The following CFAP20DC variants were observed in gnomAD, a reference collection of about 807,000 sequenced individuals.
The protein encoded by CFAP20DC is CFAP20 domain containing.
Under a neutral mutation model 101.7 loss-of-function variants are expected in CFAP20DC, and 84 were observed. That is an observed-to-expected ratio of 0.83 (90% CI 0.69 to 0.99). CFAP20DC has a LOEUF of 0.99. Among genes scored for constraint, CFAP20DC ranks in the 50% least tolerant of loss-of-function variants. The pLI is 0.00. For synonymous variants in CFAP20DC, 359 were observed against 351.2 expected (o/e 1.02, Z -0.25); for missense variants, 1,007 against 970.3 (o/e 1.04, Z -0.50).
intron 6 of CFAP20DC, among the ~76,000 whole-genome samples, chr3:58,890,130 C>T (rs1435563608): frequency 2.9e-4 from 43 of 150,582 alleles, no homozygotes; most frequent in African/African-American, 9.8e-4. Flanking sequence ...TAGGGGCGGC[C>T]GGGCAGAGGC....
At chr3:58,985,248 T>C (rs2092711983) in intron 4 of CFAP20DC, among the ~76,000 whole-genome samples, 1 of 152,158 alleles carries the variant, frequency 6.6e-6, no homozygotes, top group Non-Finnish European at 1.5e-5. Context: ...CATTTATTAA[T>C]ATTCTTCCTA....
At position 58,719,521 on chromosome 3, in the gene CFAP20DC, G is replaced by A. The variant is rs182357771; in HGVS notation, c.198-1893C>T. 4.5e-3 allele frequency among the ~76,000 whole-genome samples: 678 copies of A among 152,324 alleles called. 5 individuals carry two copies. The highest frequency in any genetic ancestry group is 6.5e-3 in the Non-Finnish European group (443 of 68,026). On this transcript the variant is annotated intron_variant, in intron 3 of 3. Transcript: ENST00000486145. ...TTACTTTGCAGGCATGGAAGATCCT[G>A]TGTTCTACCCAGATTTTTCAGCTAC... is the stretch of plus-strand genomic sequence containing the variant.
chr3:58,720,596 ATTG>A (rs2067458167), intron 3 of CFAP20DC, among the ~76,000 whole-genome samples: 1 of 152,188 alleles, frequency 6.6e-6, no homozygotes, highest in South Asian at 2.1e-4. Flanking sequence ...GTCGCACATT[ATTG>A]TTATTTCAAA....
chr3:58,887,685 T>G (rs1162346612), intron 6 of CFAP20DC, among the ~76,000 whole-genome samples: 1 of 152,200 alleles, frequency 6.6e-6, no homozygotes, highest in Non-Finnish European at 1.5e-5. Context: ...GATTTCACAT[T>G]AAAAGGCTCA....
At chr3:58,905,349 GT>G (rs2083493413) in intron 6 of CFAP20DC, among the ~76,000 whole-genome samples, 1 of 151,808 alleles carries the variant, frequency 6.6e-6, no homozygotes, top group African/African-American at 2.4e-5. Flanking sequence ...ATGCATTCTG[GT>G]TTTTATCTTA....
chr3:58,844,418 C>A (rs2077430185), intron 13 of CFAP20DC, among the ~76,000 whole-genome samples: 1 of 137,038 alleles, frequency 7.3e-6, no homozygotes, highest in South Asian at 2.3e-4. Flanking sequence ...ACAAAGAAGG[C>A]CATTACATAA....
chr3:58,914,356 C>T lies in CFAP20DC; in HGVS notation c.394-492G>A, dbSNP rs540492900. ...ACTTATAACCAATTAACCTATTGTA[C>T]GGAAACAGATTCTTCTAAAGAATTT... On this transcript the variant is annotated intron_variant, in intron 5 of 16. Coordinates refer to ENST00000482387, the MANE Select transcript of CFAP20DC (RefSeq NM_001394063.1). The surrounding 1 kb of genome is among the most constrained non-coding windows in gnomAD (Gnocchi z 4.9). Among the ~76,000 whole-genome samples, 8 of 152,166 alleles carry T rather than the reference C, an allele frequency of 5.3e-5. No homozygotes were observed. The highest frequency in any genetic ancestry group is 1.4e-4 in the African/African-American group (6 of 41,522).
At position 58,938,653 on chromosome 3, in the gene CFAP20DC, T is replaced by G. The variant is rs151236560; in HGVS notation, c.279-891A>C. Among the ~76,000 whole-genome samples, 268 of 152,312 alleles carry G rather than the reference T, an allele frequency of 1.8e-3. 3 individuals carry two copies. Among genetic ancestry groups the G allele is most frequent in the African/African-American group, 6.0e-3 (250 of 41,584 alleles). On this transcript the variant is annotated intron_variant, in intron 4 of 16. Transcript: ENST00000482387. ...AACGCATCATTGTCAATATTTATAG[T>G]GTAATTAACTGTTTTTAAAATTGGC...
At chr3:58,806,921 G>A (rs190253553) in intron 14 of CFAP20DC, among the ~76,000 whole-genome samples, 208 of 152,226 alleles carry the variant, frequency 1.4e-3, no homozygotes, top group African/African-American at 2.0e-3. Flanking sequence ...ATTATATCCC[G>A]CACATGGCTT....
chr3:58,742,697 G>A, intron 16 of CFAP20DC, 125 bp from the exon 17 acceptor site: 2 of 543,692 alleles, frequency 3.7e-6, no homozygotes, highest in South Asian at 3.1e-5. Flanking sequence ...AGAAGGTTTA[G>A]GCCTGAAGGA....
intron 7 of CFAP20DC, among the ~76,000 whole-genome samples, chr3:58,880,019 C>T (rs2081106546): frequency 6.6e-6 from 1 of 151,390 alleles, no homozygotes; most frequent in African/African-American, 2.4e-5. Flanking sequence ...AATTTTATAG[C>T]AAGTCTTAGA....
intron 12 of CFAP20DC, among the ~76,000 whole-genome samples, chr3:58,856,279 C>CACACACACAT (rs1472270115): frequency 2.1e-5 from 3 of 144,524 alleles, no homozygotes; most frequent in Admixed American, 2.0e-4. Flanking sequence ...CACACACACA[C>CACACACACAT]ACACACACAC....
At chr3:58,828,873 G>C (rs943756280) in intron 14 of CFAP20DC, among the ~76,000 whole-genome samples, 2 of 152,112 alleles carry the variant, frequency 1.3e-5, no homozygotes, top group Admixed American at 6.5e-5. Flanking sequence ...AAAGTGCCAA[G>C]GCTGTGGTAT....
Position 58,790,228 on chromosome 3 carries a change from C to CA in CFAP20DC, c.2237+16166dup, listed in dbSNP as rs1164532324. ...AGTGAGCCTGGTGACTTCTAATACC[C>CA]ATGGCTCAGTTTGTCTGTTTTTGAA... On this transcript the variant is annotated intron_variant, in intron 15 of 16. Transcript: ENST00000482387. 2.0e-5 allele frequency among the ~76,000 whole-genome samples: 3 copies of CA among 152,310 alleles called. No individual in the cohort carries two copies. The East Asian group carries it at 5.8e-4, about 29-fold the overall frequency.
rs1419486049 is a variant in CFAP20DC, at chr3:58,815,453, G to A, written c.2176-8997C>T. On this transcript the variant is annotated intron_variant, in intron 14 of 16. Transcript: ENST00000482387. ...CATTCAGGACATAGGCATGGGCAAG[G>A]ACTTCATGTCTAAAACACCAAAAGC... 9.9e-3 allele frequency among the ~76,000 whole-genome samples: 1,466 copies of A among 148,510 alleles called. 41 individuals carry two copies. Among genetic ancestry groups the A allele is most frequent in the African/African-American group, 0.035 (1,404 of 40,184 alleles).
At position 58,913,631 on chromosome 3, in the gene CFAP20DC, C is replaced by T. The variant is rs1559812151; in HGVS notation, c.550+77G>A. 2 of 1,430,686 alleles carry T rather than the reference C, an allele frequency of 1.4e-6. No homozygotes were observed. Among genetic ancestry groups the T allele is most frequent in the South Asian group, 2.3e-5 (2 of 87,350 alleles). 88.6% of individuals were successfully genotyped at this position (1,430,686 alleles called of 1,614,324 possible). On this transcript the variant is annotated intron_variant, in intron 6 of 16. Transcript: ENST00000482387. This position sits in a 1 kb window ranked among gnomAD's most constrained non-coding sequence, Gnocchi z 4.4. ...TAACATCAAACTGCTACCACACACTCATACTATCCCAAAGGTATGGCTAAT... is the reference window on the plus strand; with the variant it reads ...TAACATCAAACTGCTACCACACACTTATACTATCCCAAAGGTATGGCTAAT...
At position 58,958,019 on chromosome 3, in the gene CFAP20DC, A is replaced by G. The variant is rs147394483; in HGVS notation, c.279-20257T>C. ...ATAATTAGATTATTTGTAAAACAAA[A>G]GATAATGCTTGAGAGGATAAATAAC... On this transcript the variant is annotated intron_variant, in intron 4 of 16. Coordinates refer to ENST00000482387, the MANE Select transcript of CFAP20DC (RefSeq NM_001394063.1). 2.7e-3 allele frequency among the ~76,000 whole-genome samples: 409 copies of G among 152,338 alleles called. 1 individual carries two copies. The highest frequency in any genetic ancestry group is 9.3e-3 in the African/African-American group (385 of 41,588).
intron 4 of CFAP20DC, among the ~76,000 whole-genome samples, chr3:58,972,828 T>C (rs907349488): frequency 6.6e-6 from 1 of 152,184 alleles, no homozygotes; most frequent in Non-Finnish European, 1.5e-5. Flanking sequence ...TAAGGCAGTA[T>C]TCCTAGAAGG....
At chr3:58,807,681 C>T (rs560100708) in intron 14 of CFAP20DC, among the ~76,000 whole-genome samples, 3 of 152,360 alleles carry the variant, frequency 2.0e-5, no homozygotes, top group Admixed American at 2.0e-4. Context: ...CAAAGGAACG[C>T]AGTTCCTCAG....
Sources: allele counts gnomAD v4.1 joint callset (sites outside exome capture counted in the v4.1 genomes callset), GRCh38; gene constraint gnomAD v4.1.1; non-coding constraint Gnocchi (gnomAD v3.1); transcripts MANE v1.5; gene names NCBI Gene and HGNC (gene_info 2026-07-23, HGNC 2026-07-21).